The following TMEM248 variants were observed in gnomAD, a reference collection of about 807,000 sequenced individuals.
TMEM248 encodes UPF0458 protein C7orf42.
TMEM248 carries 9 observed loss-of-function variants against 30.3 expected under a neutral mutation model. The ratio of observed to expected loss-of-function variants is 0.30; its 90% CI spans 0.18 to 0.52. The LOEUF is 0.52. Among genes scored for constraint, TMEM248 ranks in the 20% least tolerant of loss-of-function variants. The pLI, the probability that TMEM248 is intolerant of heterozygous loss-of-function variation, is 0.97. For synonymous variants in TMEM248, 184 were observed against 154.4 expected (o/e 1.19, Z -1.42); for missense variants, 338 against 403.3 (o/e 0.84, Z 1.39).
At chr7:66,947,433 C>A (rs1792136754) in intron 3 of TMEM248, among the ~76,000 whole-genome samples, 1 of 152,092 alleles carries the variant, frequency 6.6e-6, no homozygotes, top group Non-Finnish European at 1.5e-5. Context: ...GATGGAGTCT[C>A]ACTCTGTCGC....
At chr7:66,932,134 C>G (rs529012629) in intron 1 of TMEM248, among the ~76,000 whole-genome samples, 1 of 152,188 alleles carries the variant, frequency 6.6e-6, no homozygotes, top group African/African-American at 2.4e-5. Flanking sequence ...TGCTTTCCTC[C>G]CCTTATATTA....
rs1156882038 is a variant in TMEM248 at position 66,931,792 on chromosome 7, C to CTT, written c.-18-10027_-18-10026dup. On this transcript the variant is annotated intron_variant, in intron 1 of 6. Coordinates refer to ENST00000341567, the MANE Select transcript of TMEM248 (RefSeq NM_017994.5). ...TGTGCCCAACCAGGAGGCCTTCCTC[C>CTT]TTTTTTTTTTTTTTTTTTTTTTTTT... is the stretch of plus-strand genomic sequence containing the variant. Among the ~76,000 whole-genome samples, 572 of 88,468 alleles carry CTT rather than the reference C, an allele frequency of 6.5e-3. 87 individuals carry two copies. Among genetic ancestry groups the CTT allele is most frequent in the Non-Finnish European group, 9.0e-3 (425 of 47,188 alleles). 58.0% of individuals were successfully genotyped at this position (88,468 alleles called of 152,430 possible). A position where few individuals can be genotyped will look rare whatever the true frequency, so the allele number is the denominator to read the frequency against.
At chr7:66,947,522 A>G (rs1792141195) in intron 3 of TMEM248, among the ~76,000 whole-genome samples, 1 of 151,238 alleles carries the variant, frequency 6.6e-6, no homozygotes, top group African/African-American at 2.4e-5. Flanking sequence ...TCTGCCTCAG[A>G]CTCCCGCGTA....
intron 1 of TMEM248, among the ~76,000 whole-genome samples, chr7:66,928,209 C>T (rs2129220702): frequency 6.6e-6 from 1 of 151,620 alleles, no homozygotes; most frequent in East Asian, 1.9e-4. Context: ...GAGTGAAACT[C>T]AGTCTTGAAA....
intron 5 of TMEM248, among the ~76,000 whole-genome samples, 172 bp from the exon 6 acceptor site, chr7:66,953,054 A>G (rs1792310283): frequency 6.6e-6 from 1 of 152,152 alleles, no homozygotes; most frequent in South Asian, 2.1e-4. Flanking sequence ...TCACTTAATG[A>G]GACCCAGCTT....
At chr7:66,921,772 T>A (rs1440631432) in intron 1 of TMEM248, 3 of 152,220 alleles carry the variant, frequency 2.0e-5, no homozygotes, top group Admixed American at 2.0e-4. Flanking sequence ...GGGAAACATC[T>A]TGGTCGTTTG....
chr7:66,948,366 G>C (rs1440805357), intron 3 of TMEM248, among the ~76,000 whole-genome samples, 178 bp from the exon 4 acceptor site: 1 of 152,154 alleles, frequency 6.6e-6, no homozygotes, highest in Non-Finnish European at 1.5e-5. Flanking sequence ...GTGGCTCTGA[G>C]TTGAGTAGGA....
intron 1 of TMEM248, among the ~76,000 whole-genome samples, chr7:66,938,696 C>T (rs549808114): frequency 3.5e-4 from 53 of 152,210 alleles, no homozygotes; most frequent in Non-Finnish European, 4.4e-4. Flanking sequence ...TTCATAGAGA[C>T]GGGGTTTCAC....
intron 1 of TMEM248, among the ~76,000 whole-genome samples, chr7:66,937,426 T>C (rs187180178): frequency 3.3e-5 from 5 of 152,380 alleles, no homozygotes; most frequent in African/African-American, 9.6e-5. Flanking sequence ...GTTTTCTGTC[T>C]AGATCTGTCC....
Position 66,941,976 on chromosome 7 carries a change from G to C in TMEM248, c.111G>C (p.Leu37=). The change falls in exon 2 of 7, where the codon CTG becomes CTC. Residue 37 remains leucine, a synonymous_variant. Transcript: ENST00000341567. The part of the protein sequence containing the change: ...VSAMAIAFLT[L]GYFFKIKEIK... ...CCATGGCCATAGCTTTCCTGACCCTGGGCTACTTCTTCAAAATCAAGGAGA... is the reference window on the plus strand; with the variant it reads ...CCATGGCCATAGCTTTCCTGACCCTCGGCTACTTCTTCAAAATCAAGGAGA... 6.2e-7 allele frequency: 1 copy of C among 1,614,114 alleles called. No individual in the cohort carries two copies. The highest frequency in any genetic ancestry group is 8.5e-7 in the Non-Finnish European group (1 of 1,180,016).
intron 2 of TMEM248, among the ~76,000 whole-genome samples, chr7:66,943,104 G>T (rs1487699656): frequency 6.6e-6 from 1 of 151,872 alleles, no homozygotes; most frequent in African/African-American, 2.4e-5. Context: ...CCCTTTCAAA[G>T]AGTTTATTAC....
rs1318074716 is a variant in TMEM248 at position 66,946,741 on chromosome 7, A to G, written c.445+1480A>G. Among the ~76,000 whole-genome samples, 5 of 152,344 alleles carry G rather than the reference A, an allele frequency of 3.3e-5. No homozygotes were observed. In the East Asian group the frequency reaches 9.6e-4, roughly 29 times the overall value. ...CTTGATAAGGGATATGAAAAAATAC[A>G]TACTTATAAAATGTGGAGCACTGCC... On this transcript the variant is annotated intron_variant, in intron 3 of 6. Coordinates refer to ENST00000341567, the MANE Select transcript of TMEM248 (RefSeq NM_017994.5).
At chr7:66,925,483 C>T (rs181990823) in intron 1 of TMEM248, among the ~76,000 whole-genome samples, 239 of 152,220 alleles carry the variant, frequency 1.6e-3, no homozygotes, top group African/African-American at 5.5e-3. Flanking sequence ...GTTCCATTGT[C>T]TTCTAGATTC....
Position 66,951,010 on chromosome 7 carries a change from T to C in TMEM248, c.655T>C (p.Phe219Leu), listed in dbSNP as rs1483995469. 1 of 1,612,352 alleles carries C rather than the reference T, an allele frequency of 6.2e-7. No individual in the cohort carries two copies. Among genetic ancestry groups the C allele is most frequent in the East Asian group, 2.2e-5 (1 of 44,742 alleles). ...YSNATLWYKIFTTARDANTKY... is the reference protein window; with the variant it reads ...YSNATLWYKILTTARDANTKY... ...CAACGCCACGCTCTGGTACAAGATC[T>C]TCACAACTGCCAGAGATGCCAACAC... The change falls in exon 5 of 7, where the codon TTC becomes CTC. Residue 219 changes from phenylalanine (F) to leucine (L), a missense_variant. Coordinates refer to ENST00000341567, the MANE Select transcript of TMEM248 (RefSeq NM_017994.5).
At chr7:66,941,418 A>G (rs900806429) in intron 1 of TMEM248, among the ~76,000 whole-genome samples, 3 of 151,060 alleles carry the variant, frequency 2.0e-5, no homozygotes, top group African/African-American at 7.3e-5. Context: ...AGCCGGGCAT[A>G]GTGGTACACA....
intron 1 of TMEM248, among the ~76,000 whole-genome samples, chr7:66,938,079 A>C (rs1258506090): frequency 6.6e-6 from 1 of 152,142 alleles, no homozygotes; most frequent in Non-Finnish European, 1.5e-5. Flanking sequence ...TGTTTCTTGT[A>C]GGCAACACAT....
intron 1 of TMEM248, among the ~76,000 whole-genome samples, chr7:66,933,740 C>T (rs1447062046): frequency 6.6e-6 from 1 of 152,212 alleles, no homozygotes; most frequent in Non-Finnish European, 1.5e-5. Context: ...TCTCAGAGAT[C>T]TAAGGTACTG....
intron 4 of TMEM248, among the ~76,000 whole-genome samples, chr7:66,950,717 A>G (rs150211989): frequency 1.7e-3 from 263 of 152,196 alleles, no homozygotes; most frequent in African/African-American, 5.8e-3. Flanking sequence ...CCAACACCCA[A>G]ACTCCTAAAT....
intron 1 of TMEM248, among the ~76,000 whole-genome samples, chr7:66,939,394 T>C (rs1330801954): frequency 6.6e-6 from 1 of 152,182 alleles, no homozygotes; most frequent in African/African-American, 2.4e-5. Context: ...TTCAACGAAC[T>C]AGATCAACAG....
Sources: allele counts gnomAD v4.1 joint callset (sites outside exome capture counted in the v4.1 genomes callset), GRCh38; gene constraint gnomAD v4.1.1; transcripts MANE v1.5; gene names NCBI Gene and HGNC (gene_info 2026-07-23, HGNC 2026-07-21).